Variants in AADACL3 observed in about 807,000 individuals in gnomAD.
AADACL3 encodes arylacetamide deacetylase-like 3.
AADACL3 carries 13 observed loss-of-function variants against 13.6 expected under a neutral mutation model. The ratio of observed to expected loss-of-function variants is 0.95; its 90% confidence interval spans 0.62 to 1.52. The LOEUF (loss-of-function observed/expected upper bound fraction) is 1.52. Ranked by LOEUF, AADACL3 falls within the 40% of genes most tolerant of loss-of-function variation. The pLI is 0.00. For missense variants in AADACL3, 519 were observed against 499.2 expected (o/e 1.04, Z -0.38); for synonymous variants, 195 against 197.0 (o/e 0.99, Z 0.08).
chr1:12,726,203 G>T lies in AADACL3; in HGVS notation c.*207G>T. On this transcript the variant is annotated 3_prime_UTR_variant, in exon 4 of 4. Coordinates refer to ENST00000359318, the MANE Select transcript of AADACL3 (RefSeq NM_001103170.3). The stretch of plus-strand genomic sequence containing the variant: ...TGGTAGAAAAGACAGGTTTGGAGGT[G>T]GGAGTGTGGCTGTCTCTATTCTCTG... 1 of 595,170 alleles carries T rather than the reference G, an allele frequency of 1.7e-6. No homozygotes were observed. The highest frequency in any genetic ancestry group is 2.9e-6 in the Non-Finnish European group (1 of 347,676). 36.9% of individuals were successfully genotyped at this position (595,170 alleles called of 1,614,324 possible).
chr1:12,718,300 A>G (rs1359346626), intron 1 of AADACL3, among the ~76,000 whole-genome samples: 1 of 146,770 alleles, frequency 6.8e-6, no homozygotes, highest in Admixed American at 7.0e-5. Context: ...AGGTGGGAGG[A>G]CTGTTTGAGT....
chr1:12,717,082 A>G (rs1285184868), intron 1 of AADACL3, among the ~76,000 whole-genome samples: 1 of 152,228 alleles, frequency 6.6e-6, no homozygotes, highest in Non-Finnish European at 1.5e-5. Flanking sequence ...CTTGACAGAA[A>G]CTGAATATAC....
At position 12,720,784 on chromosome 1, in the gene AADACL3, C is replaced by T. The variant is rs547636769; in HGVS notation, c.386-99C>T. Reference sequence around the variant, plus strand: ...TTGCTGGAGTAGAGGAAAACCTAGTCGGCATCGGCCCAAGTGCTGTGTCTG... The same window carrying T: ...TTGCTGGAGTAGAGGAAAACCTAGTTGGCATCGGCCCAAGTGCTGTGTCTG... On this transcript the variant is annotated intron_variant, in intron 2 of 3. Transcript: ENST00000359318. The T allele has an allele frequency of 5.5e-5, 55 of 994,440 alleles. No individual in the cohort carries two copies. In the South Asian group the frequency reaches 6.3e-4, roughly 11 times the overall value. 61.6% of individuals were successfully genotyped at this position (994,440 alleles called of 1,614,324 possible).
intron 1 of AADACL3, among the ~76,000 whole-genome samples, chr1:12,717,848 G>A (rs1648473212): frequency 6.6e-6 from 1 of 151,828 alleles, no homozygotes; most frequent in Non-Finnish European, 1.5e-5. Flanking sequence ...ACATAAGGGG[G>A]TCATGGATTT....
chr1:12,726,080 G>A lies in AADACL3; in HGVS notation c.*84G>A. The stretch of plus-strand genomic sequence containing the variant: ...AGGGCTCTCTGTTGCTGATTTAGGT[G>A]GTGCATAGTGGGGCTAGGGAGGGGG... On this transcript the variant is annotated 3_prime_UTR_variant, in exon 4 of 4. Coordinates refer to ENST00000359318, the MANE Select transcript of AADACL3 (RefSeq NM_001103170.3). 1 of 1,459,582 alleles carries A rather than the reference G, an allele frequency of 6.9e-7. No homozygotes were observed. Among genetic ancestry groups the A allele is most frequent in the Non-Finnish European group, 9.2e-7 (1 of 1,085,378 alleles). 90.4% of individuals were successfully genotyped at this position (1,459,582 alleles called of 1,614,324 possible).
intron 3 of AADACL3, among the ~76,000 whole-genome samples, chr1:12,723,749 G>T (rs1638310281): frequency 6.6e-6 from 1 of 151,996 alleles, no homozygotes; most frequent in African/African-American, 2.4e-5. Flanking sequence ...AAAGTGCTGG[G>T]ATTATAGGCT....
intron 1 of AADACL3, among the ~76,000 whole-genome samples, chr1:12,719,254 G>A (rs368049185): frequency 3.9e-5 from 6 of 152,198 alleles, no homozygotes; most frequent in Non-Finnish European, 8.8e-5. Context: ...AGTGGGTTGA[G>A]AGGGGCTGGC....
chr1:12,719,829 T>C, intron 2 of AADACL3, 138 bp downstream of exon 2: 1 of 810,278 alleles, frequency 1.2e-6, no homozygotes, highest in South Asian at 1.8e-5. Context: ...TTGCAGATCA[T>C]TGAGGGGGCA....
At chr1:12,720,761 G>T in intron 2 of AADACL3, 122 bp from the exon 3 acceptor site, 1 of 761,206 alleles carries the variant, frequency 1.3e-6, no homozygotes, top group African/African-American at 1.7e-5. Flanking sequence ...CCGGAAGTTT[G>T]CTGGAGTAGA....
At chr1:12,718,377 A>T (rs976978487) in intron 1 of AADACL3, among the ~76,000 whole-genome samples, 1 of 151,724 alleles carries the variant, frequency 6.6e-6, no homozygotes, top group African/African-American at 2.4e-5. Context: ...AAAAAAAAAA[A>T]AAAAAGTTCT....
Position 12,720,890 on chromosome 1 carries a change from C to T in AADACL3, c.393C>T (p.His131=). The part of the protein sequence containing the change: ...GGGVMGSLKT[H]HGICSRLCKE... ...AAACCATTTATTTTCTAGAAACCCA[C>T]CATGGCATATGCTCTCGTTTGTGCA... The change falls in exon 3 of 4, where the codon CAC becomes CAT. Residue 131 remains histidine, a synonymous_variant. Coordinates refer to ENST00000359318, the MANE Select transcript of AADACL3 (RefSeq NM_001103170.3). The T allele has an allele frequency of 1.2e-6, 2 of 1,612,632 alleles. No individual in the cohort carries two copies. Among genetic ancestry groups the T allele is most frequent in the African/African-American group, 2.7e-5 (2 of 74,990 alleles).
Position 12,725,265 on chromosome 1 carries a change from G to C in AADACL3, c.493G>C (p.Asp165His). The change falls in exon 4 of 4, where the codon GAC becomes CAC. Residue 165 changes from aspartate (D) to histidine (H), a missense_variant. Transcript: ENST00000359318. ...PKHKFPVPVRDCLVATIHFLK... is the reference protein window; with the variant it reads ...PKHKFPVPVRHCLVATIHFLK... ...GCATAAGTTTCCAGTGCCAGTAAGA[G>C]ACTGCTTGGTGGCCACCATCCACTT... 1 of 1,612,910 alleles carries C rather than the reference G, an allele frequency of 6.2e-7. No homozygotes were observed. The highest frequency in any genetic ancestry group is 8.5e-7 in the Non-Finnish European group (1 of 1,179,628).
At chr1:12,722,387 C>A (rs1638277799) in intron 3 of AADACL3, among the ~76,000 whole-genome samples, 1 of 150,930 alleles carries the variant, frequency 6.6e-6, no homozygotes, top group Non-Finnish European at 1.5e-5. Context: ...AGAGAGAGAC[C>A]TGGATAAACC....
chr1:12,726,130 T>C lies in AADACL3; in HGVS notation c.*134T>C. 3.0e-6 allele frequency: 3 copies of C among 1,009,662 alleles called. No homozygotes were observed. Among genetic ancestry groups the C allele is most frequent in the South Asian group, 1.7e-5 (1 of 59,306 alleles). The allele number at this position is 1,009,662 out of a possible 1,614,324, so 62.5% of individuals were successfully genotyped here. A position where few individuals can be genotyped will look rare whatever the true frequency, so the allele number is the denominator to read the frequency against. On this transcript the variant is annotated 3_prime_UTR_variant, in exon 4 of 4. Transcript: ENST00000359318. ...GTAGAGGTTGCTGTCACCTTTCTGG[T>C]CCAGGTTCTAGAACCACACAATGCA...
At chr1:12,723,371 TCTGA>T (rs58049854) in intron 3 of AADACL3, among the ~76,000 whole-genome samples, 2,498 of 152,358 alleles carry the variant, frequency 0.016, 38 homozygotes, top group South Asian at 0.064. Flanking sequence ...CAGGAGTACC[TCTGA>T]CTGTCTCCCA....
chr1:12,722,597 A>G (rs914800463), intron 3 of AADACL3, among the ~76,000 whole-genome samples: 1 of 151,966 alleles, frequency 6.6e-6, no homozygotes, highest in African/African-American at 2.4e-5. Flanking sequence ...AGGATGTCCT[A>G]TTCCCGGGTG....
In AADACL3 at chr1:12,719,492, G is replaced by A. The variant is rs1283046566; in HGVS notation, c.186G>A (p.Lys62=). 1 of 1,613,976 alleles carries A rather than the reference G, an allele frequency of 6.2e-7. No homozygotes were observed. The highest frequency in any genetic ancestry group is 1.1e-5 in the South Asian group (1 of 91,088). Residue 62 remains lysine, a synonymous_variant, in exon 2 of 4, where the codon AAG becomes AAA. Coordinates refer to ENST00000359318, the MANE Select transcript of AADACL3 (RefSeq NM_001103170.3). ...LLLTWGMIFE[K]LRICSMPQFF... ...TCCAACAGGGGATGATATTTGAGAA[G>A]CTCAGAATCTGTTCTATGCCCCAAT...
Position 12,728,069 on chromosome 1 carries a change from C to A in AADACL3, c.*2073C>A, listed in dbSNP as rs1356782985. On this transcript the variant is annotated 3_prime_UTR_variant, in exon 4 of 4. Coordinates refer to ENST00000359318, the MANE Select transcript of AADACL3 (RefSeq NM_001103170.3). ...TCATGGGAGAAATCAAGCACTTTCA[C>A]CTAATGGCTAGATGATTGATTTTGG... The A allele has an allele frequency of 6.6e-6, 1 of 152,242 alleles. No homozygotes were observed. Among genetic ancestry groups the A allele is most frequent in the Non-Finnish European group, 1.5e-5 (1 of 68,050 alleles). The allele number at this position is 152,242 out of a possible 1,614,324, so 9.4% of individuals were successfully genotyped here.
chr1:12,718,813 C>T (rs1339032653), intron 1 of AADACL3, among the ~76,000 whole-genome samples: 3 of 152,162 alleles, frequency 2.0e-5, no homozygotes, highest in Admixed American at 1.3e-4. Context: ...ATTTTCAACC[C>T]TTTATGCAAA....
Sources: gnomAD v4.1 joint callset for allele counts (sites outside exome capture counted in the v4.1 genomes callset) on GRCh38, gnomAD v4.1.1 for gene constraint, MANE v1.5 for transcripts, NCBI Gene and HGNC (gene_info 2026-07-23, HGNC 2026-07-21) for gene names.